Variants in ERC2 observed in about 807,000 individuals in gnomAD.
The protein encoded by ERC2 is ERC protein 2.
ERC2 carries 42 observed loss-of-function variants against 114.8 expected under a neutral mutation model. That is an observed-to-expected ratio of 0.37 (90% confidence interval 0.29 to 0.47). The LOEUF is 0.47. ERC2 is among the 20% of genes least tolerant of loss of function. The pLI, the probability that ERC2 is intolerant of heterozygous loss-of-function variation, is 0.99. For synonymous variants in ERC2, 454 were observed against 425.5 expected (o/e 1.07, Z -0.82); for missense variants, 939 against 1,150.7 (o/e 0.82, Z 2.66).
chr3:56,200,791 T>C (rs2048363672), intron 3 of ERC2, among the ~76,000 whole-genome samples: 1 of 152,192 alleles, frequency 6.6e-6, no homozygotes, highest in South Asian at 2.1e-4. Context: ...CAACTATCCA[T>C]TAAAAGAAAT....
At chr3:55,959,961 C>T (rs1461785371) in intron 12 of ERC2, among the ~76,000 whole-genome samples, 2 of 152,148 alleles carry the variant, frequency 1.3e-5, no homozygotes, top group African/African-American at 4.8e-5. Context: ...GTTGTGGCTC[C>T]ACATATCCAC....
intron 3 of ERC2, among the ~76,000 whole-genome samples, chr3:56,274,638 G>C (rs1040423251): frequency 1.3e-5 from 2 of 152,074 alleles, no homozygotes; most frequent in Non-Finnish European, 2.9e-5. Context: ...TGTTTGTGTG[G>C]GTGTGTGATT....
intron 6 of ERC2, among the ~76,000 whole-genome samples, chr3:56,105,370 T>C (rs752619440): frequency 1.4e-5 from 2 of 147,042 alleles, no homozygotes; most frequent in Non-Finnish European, 3.0e-5. Flanking sequence ...ATGGTGTGAT[T>C]ACAGATCACT....
At chr3:56,063,321 C>T (rs1438702478) in intron 7 of ERC2, among the ~76,000 whole-genome samples, 3 of 152,136 alleles carry the variant, frequency 2.0e-5, no homozygotes, top group African/African-American at 7.2e-5. Context: ...TGTTAAAACA[C>T]ATAGAACTGT....
Position 56,286,869 on chromosome 3 carries a change from A to C in ERC2, c.1074+9150T>G, listed in dbSNP as rs553727876. 3.3e-5 allele frequency among the ~76,000 whole-genome samples: 5 copies of C among 152,282 alleles called. No homozygotes were observed. The South Asian group carries it at 8.3e-4, about 25-fold the overall frequency. Reference sequence around the variant, plus strand: ...CAAGTCTTTGTAATTTTTACTCATGAAGTCTCACTCACCTTTCTTTTTCCT... The same window carrying C: ...CAAGTCTTTGTAATTTTTACTCATGCAGTCTCACTCACCTTTCTTTTTCCT... On this transcript the variant is annotated intron_variant, in intron 3 of 17. Transcript: ENST00000288221.
intron 17 of ERC2, among the ~76,000 whole-genome samples, chr3:55,543,214 T>C (rs1559624916): frequency 1.3e-5 from 2 of 152,136 alleles, no homozygotes; most frequent in African/African-American, 2.4e-5. Context: ...CTGTCTCGGA[T>C]GGGGGCAGCA....
rs150017225 is a variant in ERC2 at position 55,839,216 on chromosome 3, C to T, written c.2564+49173G>A. 4.7e-4 allele frequency among the ~76,000 whole-genome samples: 72 copies of T among 151,724 alleles called. 1 individual carries two copies. In the East Asian group the frequency reaches 7.5e-3, roughly 16 times the overall value. ...CCAAAAGAAAAAAGAATCAGCCAAA[C>T]TAGGATACTCTTACTACAAAAAATT... On this transcript the variant is annotated intron_variant, in intron 14 of 17. Coordinates refer to ENST00000288221, the MANE Select transcript of ERC2 (RefSeq NM_015576.3).
chr3:56,186,330 C>T (rs141335527), intron 3 of ERC2, among the ~76,000 whole-genome samples: 256 of 152,034 alleles, frequency 1.7e-3, no homozygotes, highest in African/African-American at 6.0e-3. Flanking sequence ...CTAATCTCTC[C>T]TTTGCACTCC....
intron 17 of ERC2, among the ~76,000 whole-genome samples, chr3:55,656,219 G>C (rs1296999414): frequency 6.6e-6 from 1 of 152,090 alleles, no homozygotes; most frequent in African/African-American, 2.4e-5. Flanking sequence ...AGCTCATGCA[G>C]CCTTGAACTC....
At chr3:56,199,156 TGTTG>T (rs2150089749) in intron 3 of ERC2, among the ~76,000 whole-genome samples, 1 of 152,178 alleles carries the variant, frequency 6.6e-6, no homozygotes, top group Admixed American at 6.5e-5. Context: ...ACACTCAAAT[TGTTG>T]GGAAATGCTA....
rs114174698 is a variant in ERC2, at chr3:56,331,603, T to A, written c.658-35168A>T. 5.9e-3 allele frequency among the ~76,000 whole-genome samples: 897 copies of A among 152,308 alleles called. 4 individuals are homozygous for A. Among genetic ancestry groups the A allele is most frequent in the Non-Finnish European group, 9.6e-3 (653 of 68,032 alleles). Reference sequence around the variant, plus strand: ...ACCACCCAGAAAGCCCTGAGGCTTGTATGCACTAGGACGTTCAAACACATT... The same window carrying A: ...ACCACCCAGAAAGCCCTGAGGCTTGAATGCACTAGGACGTTCAAACACATT... On this transcript the variant is annotated intron_variant, in intron 2 of 17. Transcript: ENST00000288221.
At chr3:55,808,584 C>G (rs1175152285) in intron 14 of ERC2, among the ~76,000 whole-genome samples, 2 of 151,108 alleles carry the variant, frequency 1.3e-5, no homozygotes, top group Middle Eastern at 3.2e-3. Flanking sequence ...TTAGAGGGAA[C>G]TTAAAAAGCA....
At chr3:56,377,857 A>C (rs984192486) in intron 2 of ERC2, among the ~76,000 whole-genome samples, 3 of 151,084 alleles carry the variant, frequency 2.0e-5, no homozygotes, top group African/African-American at 4.9e-5. Context: ...ATCTCCAAAA[A>C]AAAAAACAAA....
At chr3:55,570,101 C>G (rs2056621513) in intron 17 of ERC2, among the ~76,000 whole-genome samples, 1 of 152,080 alleles carries the variant, frequency 6.6e-6, no homozygotes, top group South Asian at 2.1e-4. Context: ...CTCAAGTGAT[C>G]TGCCTGCCTC....
chr3:55,848,660 A>G (rs2061458435), intron 14 of ERC2, among the ~76,000 whole-genome samples: 2 of 152,074 alleles, frequency 1.3e-5, no homozygotes, highest in African/African-American at 4.8e-5. Context: ...TTATATTTCT[A>G]TATAGTTGGT....
chr3:56,202,289 C>T (rs1321010415), intron 3 of ERC2, among the ~76,000 whole-genome samples: 3 of 152,180 alleles, frequency 2.0e-5, no homozygotes, highest in Non-Finnish European at 4.4e-5. Context: ...AAACTAATTT[C>T]TCTTAATTAT....
At chr3:55,958,926 G>A (rs2068165151) in intron 12 of ERC2, among the ~76,000 whole-genome samples, 1 of 152,162 alleles carries the variant, frequency 6.6e-6, no homozygotes, top group African/African-American at 2.4e-5. Flanking sequence ...CCAGGAGCAT[G>A]GAGCTTCTGC....
intron 14 of ERC2, among the ~76,000 whole-genome samples, chr3:55,737,329 C>T (rs1559574324): frequency 6.6e-6 from 1 of 152,200 alleles, no homozygotes; most frequent in Non-Finnish European, 1.5e-5. Context: ...CTACCGGCAG[C>T]AGCATTAATA....
At chr3:55,848,968 G>A (rs1443596654) in intron 14 of ERC2, among the ~76,000 whole-genome samples, 1 of 152,148 alleles carries the variant, frequency 6.6e-6, no homozygotes, top group Non-Finnish European at 1.5e-5. Flanking sequence ...ACCCTAACAT[G>A]CCTAGTACCA....
Sources: gnomAD v4.1 joint callset for allele counts (sites outside exome capture counted in the v4.1 genomes callset) on GRCh38, gnomAD v4.1.1 for gene constraint, MANE v1.5 for transcripts, NCBI Gene and HGNC (gene_info 2026-07-23, HGNC 2026-07-21) for gene names.